The following GPR107 variants were observed in gnomAD, a reference collection of about 807,000 sequenced individuals.
The protein encoded by GPR107 is G protein-coupled receptor 107.
Under a neutral mutation model 75.5 loss-of-function variants are expected in GPR107, and 31 were observed. The observed-to-expected ratio is 0.41, with a 90% CI of 0.31 to 0.55. The LOEUF (loss-of-function observed/expected upper bound fraction) is 0.55, where lower values mean the gene tolerates loss of function less well. Ranked by LOEUF, GPR107 falls within the 20% of genes least tolerant of loss-of-function variation. The pLI is 0.26. For synonymous variants in GPR107, 267 were observed against 251.3 expected, an observed-to-expected ratio of 1.06 and a Z score of -0.59; for missense variants, 572 against 665.7, an observed-to-expected ratio of 0.86 and a Z score of 1.55.
chr9:130,100,825 C>T (rs982274385), intron 11 of GPR107, 123 bp downstream of exon 11: 2 of 744,834 alleles, frequency 2.7e-6, no homozygotes, highest in African/African-American at 3.5e-5. Flanking sequence ...GGGCCCCTGC[C>T]ATACCAGAGG....
In GPR107 at chr9:130,128,574, T is replaced by A. The variant is rs140232613; in HGVS notation, c.1441-66T>A. 10 of 1,369,186 alleles carry A rather than the reference T, an allele frequency of 7.3e-6. No homozygotes were observed. In the African/African-American group the frequency reaches 1.4e-4, roughly 20 times the overall value. The allele number at this position is 1,369,186 out of a possible 1,614,324, so 84.8% of individuals were successfully genotyped here. A position where few individuals can be genotyped will look rare whatever the true frequency, so the allele number is the denominator to read the frequency against. On this transcript the variant is annotated intron_variant, in intron 16 of 17. Coordinates refer to ENST00000347136, the MANE Select transcript of GPR107 (RefSeq NM_020960.5). ...TGGGGAAATATGTCAGTTTGTTGAA[T>A]TCCACTGCTTTCTGAAGAACAGTGT...
intron 1 of GPR107, among the ~76,000 whole-genome samples, chr9:130,056,873 C>G (rs1028077583): frequency 1.7e-5 from 2 of 115,256 alleles, no homozygotes; most frequent in Non-Finnish European, 3.2e-5. Flanking sequence ...TGCAGTGAGC[C>G]AAGATCACGC....
chr9:130,098,822 A>G (rs1229221650), intron 9 of GPR107, among the ~76,000 whole-genome samples: 1 of 152,150 alleles, frequency 6.6e-6, no homozygotes, highest in Non-Finnish European at 1.5e-5. Flanking sequence ...AGCCTGGCCA[A>G]TGTGGTGAAA....
intron 1 of GPR107, among the ~76,000 whole-genome samples, chr9:130,055,743 G>A (rs560366900): frequency 2.6e-5 from 4 of 151,974 alleles, no homozygotes; most frequent in African/African-American, 7.2e-5. Flanking sequence ...TCAGGAGTTC[G>A]AGACCAGCCT....
At chr9:130,078,706 C>G (rs1031727464) in intron 4 of GPR107, among the ~76,000 whole-genome samples, 8 of 152,212 alleles carry the variant, frequency 5.3e-5, no homozygotes, top group African/African-American at 1.9e-4. Context: ...CCAGCCATCA[C>G]AAGGTGGCTC....
chr9:130,077,102 G>A (rs568895346), intron 3 of GPR107, among the ~76,000 whole-genome samples, 197 bp from the exon 4 acceptor site: 20 of 151,284 alleles, frequency 1.3e-4, no homozygotes, highest in Non-Finnish European at 2.4e-4. Flanking sequence ...TGGCCAGGAT[G>A]GTCTCGATCT....
In GPR107 at chr9:130,139,500, A is replaced by T. The variant is rs1257645336; in HGVS notation, c.*4379A>T. 1 of 152,194 alleles carries T rather than the reference A, an allele frequency of 6.6e-6. No homozygotes were observed. The highest frequency in any genetic ancestry group is 2.4e-5 in the African/African-American group (1 of 41,442). 9.4% of individuals were successfully genotyped at this position (152,194 alleles called of 1,614,324 possible). A position where few individuals can be genotyped will look rare whatever the true frequency, so the allele number is the denominator to read the frequency against. ...TGCTTGAAAAATAGATAATGCTTTT[A>T]GATGGTTCACTGCCAGGCCATGGGC... On this transcript the variant is annotated 3_prime_UTR_variant, in exon 18 of 18. Transcript: ENST00000347136.
chr9:130,094,043 G>A (rs1203730595), intron 9 of GPR107, among the ~76,000 whole-genome samples: 1 of 151,984 alleles, frequency 6.6e-6, no homozygotes, highest in Non-Finnish European at 1.5e-5. Flanking sequence ...TTGAACTGCT[G>A]ACCTCGGGTA....
At chr9:130,058,470 C>CTT (rs763179956) in intron 1 of GPR107, among the ~76,000 whole-genome samples, 3 of 142,874 alleles carry the variant, frequency 2.1e-5, no homozygotes, top group Non-Finnish European at 1.5e-5. Flanking sequence ...GGCTTTTTTT[C>CTT]TTTTTTTTTT....
chr9:130,104,386 GC>G (rs1831110528), intron 12 of GPR107, 33 bp from the exon 13 acceptor site: 1 of 1,609,734 alleles, frequency 6.2e-7, no homozygotes, highest in Admixed American at 1.7e-5. Flanking sequence ...GTCCACCCAT[GC>G]TTTGGGGCCT....
Position 130,103,307 on chromosome 9 carries a change from T to C in GPR107, c.1132-1113T>C, listed in dbSNP as rs1000141742. On this transcript the variant is annotated intron_variant, in intron 12 of 17. Transcript: ENST00000347136. This position sits in a 1 kb window ranked among gnomAD's most constrained non-coding sequence, Gnocchi z 4.3. Reference sequence around the variant, plus strand: ...TTAAACTTAGAGACTTCCTAAATAATAGCACTACAGATTTTACATGCAAAG... The same window carrying C: ...TTAAACTTAGAGACTTCCTAAATAACAGCACTACAGATTTTACATGCAAAG... 5.3e-5 allele frequency among the ~76,000 whole-genome samples: 8 copies of C among 152,206 alleles called. No individual in the cohort carries two copies. The highest frequency in any genetic ancestry group is 1.9e-4 in the African/African-American group (8 of 41,444).
intron 11 of GPR107, 38 bp downstream of exon 11, chr9:130,100,740 G>C: frequency 6.9e-7 from 1 of 1,449,554 alleles, no homozygotes; most frequent in East Asian, 2.3e-5. Flanking sequence ...ACCATGAAAT[G>C]ACATACAAGA....
chr9:130,113,466 A>G (rs1361534216), intron 14 of GPR107, among the ~76,000 whole-genome samples: 1 of 152,074 alleles, frequency 6.6e-6, no homozygotes. Flanking sequence ...TCTGACCTCA[A>G]GTGATCCACC....
In GPR107 at chr9:130,060,645, A is replaced by G. The variant is rs115808210; in HGVS notation, c.141+6572A>G. 5.1e-3 allele frequency among the ~76,000 whole-genome samples: 781 copies of G among 152,244 alleles called. 7 individuals carry two copies. Among genetic ancestry groups the G allele is most frequent in the African/African-American group, 0.018 (744 of 41,560 alleles). On this transcript the variant is annotated intron_variant, in intron 1 of 17. Transcript: ENST00000347136. Reference sequence around the variant, plus strand: ...ATTTTTATATTGTGTTAAAAACACAATATTTTGATGACTGATCATTCTGGC... The same window carrying G: ...ATTTTTATATTGTGTTAAAAACACAGTATTTTGATGACTGATCATTCTGGC...
chr9:130,107,960 G>A (rs751233485), intron 14 of GPR107, among the ~76,000 whole-genome samples: 2 of 152,258 alleles, frequency 1.3e-5, no homozygotes, highest in Non-Finnish European at 2.9e-5. Context: ...AGATGTGTCA[G>A]TATTCATTTA....
chr9:130,107,460 C>T (rs1831187284), intron 13 of GPR107, 36 bp from the exon 14 acceptor site: 2 of 1,312,356 alleles, frequency 1.5e-6, no homozygotes, highest in African/African-American at 2.9e-5. Flanking sequence ...GCAGATTTGT[C>T]AGCTAACTTT....
intron 14 of GPR107, among the ~76,000 whole-genome samples, chr9:130,115,145 GAAT>G (rs1266968507): frequency 6.6e-6 from 1 of 152,262 alleles, no homozygotes; most frequent in African/African-American, 2.4e-5. Flanking sequence ...TCCCTTTGGG[GAAT>G]AATAGACCTA....
At chr9:130,102,471 C>G (rs1035492024) in intron 12 of GPR107, among the ~76,000 whole-genome samples, 1 of 152,154 alleles carries the variant, frequency 6.6e-6, no homozygotes, top group Non-Finnish European at 1.5e-5. Flanking sequence ...AAGACAGACA[C>G]ACAGAGTTCC....
chr9:130,060,847 G>C (rs1829912275), intron 1 of GPR107, among the ~76,000 whole-genome samples: 1 of 152,118 alleles, frequency 6.6e-6, no homozygotes, highest in Non-Finnish European at 1.5e-5. Context: ...GCAGAACTTG[G>C]GAATAGCCAG....
Sources: gnomAD v4.1 joint callset for allele counts (sites outside exome capture counted in the v4.1 genomes callset) on GRCh38, gnomAD v4.1.1 for gene constraint, Gnocchi (gnomAD v3.1) non-coding constraint, MANE v1.5 for transcripts, NCBI Gene and HGNC (gene_info 2026-07-23, HGNC 2026-07-21) for gene names.